The following LNX1 variants were observed in gnomAD, a reference collection of about 807,000 sequenced individuals.
LNX1 encodes the protein ligand of numb-protein X 1.
In LNX1, 54 loss-of-function variants were observed where a neutral mutation model predicts 68.4. That is an observed-to-expected ratio of 0.79 (90% confidence interval 0.63 to 0.99). LNX1 has a LOEUF of 0.99. Ranked by LOEUF, LNX1 falls within the 50% of genes least tolerant of loss-of-function variation. The probability of loss-of-function intolerance (pLI) is 0.00; values close to 1 mark genes in which losing one functional copy is unlikely to be tolerated. For synonymous variants in LNX1, 336 were observed against 350.0 expected (o/e 0.96, Z 0.45); for missense variants, 906 against 926.4 (o/e 0.98, Z 0.29).
chr4:53,479,460 T>C (rs1723778857), intron 7 of LNX1, among the ~76,000 whole-genome samples: 1 of 152,198 alleles, frequency 6.6e-6, no homozygotes, highest in Non-Finnish European at 1.5e-5. Context: ...ACCACAAATA[T>C]GGCATGTGTG....
At chr4:53,503,226 C>T (rs1314851503) in intron 4 of LNX1, among the ~76,000 whole-genome samples, 1 of 152,188 alleles carries the variant, frequency 6.6e-6, no homozygotes, top group African/African-American at 2.4e-5. Context: ...TGACCTCCTC[C>T]CATGAATCAC....
chr4:53,614,205 C>T (rs1232461759), intron 2 of LNX1, among the ~76,000 whole-genome samples: 2 of 152,006 alleles, frequency 1.3e-5, no homozygotes, highest in African/African-American at 4.8e-5. Context: ...GATGCTTTTT[C>T]AGGAAAGTTT....
rs564348235 is a variant in LNX1 at position 53,600,593 on chromosome 4, C to T, written c.-214-9078G>A. Among the ~76,000 whole-genome samples the T allele has an allele frequency of 3.9e-5, 6 of 152,170 alleles. No homozygotes were observed. In the South Asian group the frequency reaches 6.3e-4, roughly 16 times the overall value. On this transcript the variant is annotated intron_variant, in intron 2 of 3. Transcript: ENST00000504299. ...GAGAGAAGGACTCTCAGTCAGATTC[C>T]GACTAACAGGGTCTCAATATAATAA...
chr4:53,592,946 C>T (rs1160764724), upstream of LNX1: 1 of 152,158 alleles, frequency 6.6e-6, no homozygotes, highest in African/African-American at 2.4e-5. Flanking sequence ...TGTCCCCGAT[C>T]CGCCCCAGAC....
At chr4:53,576,837 G>T (rs567409733) in intron 1 of LNX1, among the ~76,000 whole-genome samples, 1 of 152,166 alleles carries the variant, frequency 6.6e-6, no homozygotes, top group Non-Finnish European at 1.5e-5. Flanking sequence ...AAATAAAGTC[G>T]GAGGTTGTTT....
intron 2 of LNX1, among the ~76,000 whole-genome samples, chr4:53,551,692 G>T (rs1459771424): frequency 1.3e-5 from 2 of 152,096 alleles, no homozygotes; most frequent in Admixed American, 6.5e-5. Flanking sequence ...CCAAGTCAAA[G>T]GTCAAACCAC....
chr4:53,467,591 GA>G (rs527978638), intron 9 of LNX1, among the ~76,000 whole-genome samples: 582 of 151,962 alleles, frequency 3.8e-3, no homozygotes, highest in Non-Finnish European at 6.5e-3. Flanking sequence ...TAAAAACCTT[GA>G]AAAAAAATTA....
At chr4:53,623,252 G>A (rs1733951396) in intron 1 of LNX1, among the ~76,000 whole-genome samples, 1 of 149,386 alleles carries the variant, frequency 6.7e-6, no homozygotes, top group African/African-American at 2.5e-5. Flanking sequence ...CGCCCAGGCT[G>A]GAGTACAGTG....
At chr4:53,633,728 C>T (rs1235993557) in intron 1 of LNX1, among the ~76,000 whole-genome samples, 2 of 152,180 alleles carry the variant, frequency 1.3e-5, no homozygotes, top group South Asian at 2.1e-4. Flanking sequence ...GCGCCCTCAT[C>T]CATCTTCCTC....
At chr4:53,471,456 A>T (rs892756582) in intron 9 of LNX1, among the ~76,000 whole-genome samples, 12 of 152,058 alleles carry the variant, frequency 7.9e-5, no homozygotes, top group Non-Finnish European at 1.5e-4. Flanking sequence ...CTAAAACATC[A>T]AAAGCAATGG....
At chr4:53,584,163 G>GC (rs57521062) in intron 1 of LNX1, among the ~76,000 whole-genome samples, 2,664 of 151,902 alleles carry the variant, frequency 0.018, 95 homozygotes, top group African/African-American at 0.06. Flanking sequence ...TGTTGTTGTT[G>GC]TTTTTTTTAA....
At chr4:53,625,867 G>A (rs1240348093) in intron 1 of LNX1, among the ~76,000 whole-genome samples, 4 of 151,588 alleles carry the variant, frequency 2.6e-5, no homozygotes, top group Admixed American at 6.6e-5. Flanking sequence ...GTGTGTGTGT[G>A]TGTGTGTGTG....
intron 9 of LNX1, among the ~76,000 whole-genome samples, chr4:53,464,518 A>G (rs1364315486): frequency 6.9e-5 from 2 of 28,998 alleles, no homozygotes; most frequent in Non-Finnish European, 1.7e-4. Flanking sequence ...AATATGGACA[A>G]TCAGTGTTAT....
intron 1 of LNX1, among the ~76,000 whole-genome samples, chr4:53,626,626 G>A (rs1203951918): frequency 6.6e-6 from 1 of 152,148 alleles, no homozygotes; most frequent in Non-Finnish European, 1.5e-5. Context: ...AAAATTGGGA[G>A]CTAGCCAATA....
chr4:53,534,876 G>T (rs1313790136), intron 2 of LNX1, among the ~76,000 whole-genome samples: 2 of 151,876 alleles, frequency 1.3e-5, no homozygotes, highest in Non-Finnish European at 2.9e-5. Flanking sequence ...CCATAGTAAT[G>T]GTTGACCTGT....
intron 2 of LNX1, among the ~76,000 whole-genome samples, chr4:53,518,683 C>T (rs1284582717): frequency 6.6e-6 from 1 of 152,128 alleles, no homozygotes; most frequent in East Asian, 1.9e-4. Context: ...AAAAGTCACA[C>T]AGCTGGTAAG....
At chr4:53,518,013 G>A (rs1207497575) in intron 2 of LNX1, among the ~76,000 whole-genome samples, 2 of 152,076 alleles carry the variant, frequency 1.3e-5, no homozygotes, top group African/African-American at 2.4e-5. Context: ...CAAACTGCTG[G>A]GAAAATGTCC....
In LNX1 at chr4:53,508,104, G is replaced by A. The variant is rs1194326706; in HGVS notation, c.504C>T (p.Ala168=). The change falls in exon 3 of 11, where the codon GCC becomes GCT. Residue 168 remains alanine (A), a synonymous_variant. Coordinates refer to ENST00000263925, the MANE Select transcript of LNX1 (RefSeq NM_001126328.3). Reference sequence around the variant, plus strand: ...GCTCGTCTGTCATTAAGGAGATGGTGGCAGCTGCAGAAACCTCTGGGGAGG... The same window carrying A: ...GCTCGTCTGTCATTAAGGAGATGGTAGCAGCTGCAGAAACCTCTGGGGAGG... ...TAPSPEVSAA[A]TISLMTDEPG... 8 of 1,614,148 alleles carry A rather than the reference G, an allele frequency of 5.0e-6. No homozygotes were observed. Among genetic ancestry groups the A allele is most frequent in the Middle Eastern group, 1.6e-4 (1 of 6,062 alleles).
At position 53,508,244 on chromosome 4, in the gene LNX1, G is replaced by A. The variant is rs548798584; in HGVS notation, c.381-17C>T. ...CCTTTACAGCTGTAACAGAACCAGCGGGGAGGTGAAGAAGAGCTTTGGCTC... is the reference window on the plus strand; with the variant it reads ...CCTTTACAGCTGTAACAGAACCAGCAGGGAGGTGAAGAAGAGCTTTGGCTC... On this transcript the variant is annotated splice_polypyrimidine_tract_variant and intron_variant, in intron 2 of 10. Transcript: ENST00000263925. 5 of 1,607,626 alleles carry A rather than the reference G, an allele frequency of 3.1e-6. No individual in the cohort carries two copies. Among genetic ancestry groups the A allele is most frequent in the South Asian group, 1.1e-5 (1 of 90,934 alleles).
Sources: allele counts gnomAD v4.1 joint callset (sites outside exome capture counted in the v4.1 genomes callset), GRCh38; gene constraint gnomAD v4.1.1; transcripts MANE v1.5; gene names NCBI Gene and HGNC (gene_info 2026-07-23, HGNC 2026-07-21).